LGI2: variants seen among roughly 807,000 people sequenced by gnomAD.
The protein encoded by LGI2 is leucine rich repeat LGI family member 2.
A neutral mutation model predicts 52.0 loss-of-function variants in LGI2; 30 were observed. That is an observed-to-expected ratio of 0.58 (90% CI 0.43 to 0.78). LGI2 has a LOEUF of 0.78. LGI2 is among the 30% of genes least tolerant of loss of function. LGI2 has a pLI of 0.00. For synonymous variants in LGI2, 270 were observed against 271.8 expected, an observed-to-expected ratio of 0.99 and a Z score of 0.06; for missense variants, 573 against 692.5, an observed-to-expected ratio of 0.83 and a Z score of 1.94.
At chr4:25,011,834 G>A (rs1725594445) in intron 7 of LGI2, among the ~76,000 whole-genome samples, 1 of 152,150 alleles carries the variant, frequency 6.6e-6, no homozygotes, top group Non-Finnish European at 1.5e-5. Context: ...CTAATTTAGG[G>A]ATCCATTTAT....
At chr4:25,019,269 T>G in intron 4 of LGI2, 31 bp from the exon 5 acceptor site, 1 of 1,410,500 alleles carries the variant, frequency 7.1e-7, no homozygotes, top group Non-Finnish European at 1.0e-6. Flanking sequence ...TGCAATGTGA[T>G]TATTATCTCA....
At chr4:25,027,040 A>G (rs1726174822) in intron 2 of LGI2, 101 bp from the exon 3 acceptor site, 1 of 920,558 alleles carries the variant, frequency 1.1e-6, no homozygotes, top group Non-Finnish European at 1.8e-6. Flanking sequence ...GTGGGCAAAC[A>G]TGAGCTCTTC....
At chr4:25,030,438 C>T (rs1276380242) in intron 1 of LGI2, 59 bp downstream of exon 1, 7 of 1,457,318 alleles carry the variant, frequency 4.8e-6, no homozygotes, top group Middle Eastern at 2.1e-4. Context: ...GCAACTCCCT[C>T]GCGGCGGCGG....
intron 7 of LGI2, among the ~76,000 whole-genome samples, chr4:25,009,793 G>A (rs908512551): frequency 3.3e-5 from 5 of 151,818 alleles, no homozygotes; most frequent in East Asian, 2.0e-4. Flanking sequence ...ATGCCACCAC[G>A]CCCAGCTAAT....
intron 6 of LGI2, among the ~76,000 whole-genome samples, chr4:25,014,281 G>A (rs1233439066): frequency 3.7e-4 from 56 of 152,098 alleles, no homozygotes; most frequent in Non-Finnish European, 7.4e-5. Flanking sequence ...TGTTTTTATT[G>A]AAGAATCCCA....
In LGI2 at chr4:25,017,926, T is replaced by A. The variant is rs1000293384; in HGVS notation, c.655+63A>T. 8 of 1,399,366 alleles carry A rather than the reference T, an allele frequency of 5.7e-6. No homozygotes were observed. The African/African-American group carries it at 1.2e-4, about 20-fold the overall frequency. The allele number at this position is 1,399,366 out of a possible 1,614,324, so 86.7% of individuals were successfully genotyped here. ...ACTTTTCCCCAGTCTCTGTTGACAG[T>A]GTAAAAGAAAGACAAAGAGATTATT... On this transcript the variant is annotated intron_variant, in intron 6 of 7. Transcript: ENST00000382114.
At chr4:25,028,642 G>C in intron 1 of LGI2, 64 bp from the exon 2 acceptor site, 2 of 1,391,254 alleles carry the variant, frequency 1.4e-6, no homozygotes, top group Non-Finnish European at 2.0e-6. Flanking sequence ...TGCAGGGTGG[G>C]TAATCAAACT....
intron 7 of LGI2, among the ~76,000 whole-genome samples, chr4:25,011,341 T>G (rs1245312478): frequency 6.6e-6 from 1 of 152,074 alleles, no homozygotes; most frequent in Non-Finnish European, 1.5e-5. Flanking sequence ...AGCGTTACTC[T>G]CCGGAAGGTG....
chr4:25,012,311 C>T (rs1230515613), intron 7 of LGI2, 24 bp downstream of exon 7: 10 of 1,613,404 alleles, frequency 6.2e-6, no homozygotes, highest in Non-Finnish European at 8.5e-6. Flanking sequence ...TAGTTCAACA[C>T]ATCTGATCAA....
chr4:25,003,195 A>T lies in LGI2; in HGVS notation c.*256T>A. ...ATTACATTTCTAGATGATAAGAGTA[A>T]ATGCTGTACTCTTTTCTCAGAAATT... On this transcript the variant is annotated 3_prime_UTR_variant, in exon 8 of 8. Transcript: ENST00000382114. The T allele has an allele frequency of 5.4e-6, 2 of 370,912 alleles. No individual in the cohort carries two copies. The highest frequency in any genetic ancestry group is 9.5e-6 in the Non-Finnish European group (2 of 210,264). 23.0% of individuals were successfully genotyped at this position (370,912 alleles called of 1,614,324 possible).
chr4:25,000,394 C>G lies in LGI2; in HGVS notation c.*3057G>C, dbSNP rs1274260330. The stretch of plus-strand genomic sequence containing the variant: ...CTTCTCTCTGAAATTAGAATAATAC[C>G]TGCCCTGCAATAAACTTCAGAGCTA... On this transcript the variant is annotated 3_prime_UTR_variant, in exon 8 of 8. Transcript: ENST00000382114. 1 of 152,544 alleles carries G rather than the reference C, an allele frequency of 6.6e-6. No homozygotes were observed. The highest frequency in any genetic ancestry group is 1.9e-4 in the East Asian group (1 of 5,196). The allele number at this position is 152,544 out of a possible 1,614,324, so 9.4% of individuals were successfully genotyped here.
chr4:25,026,581 C>A (rs1726158401), intron 3 of LGI2, among the ~76,000 whole-genome samples: 1 of 152,138 alleles, frequency 6.6e-6, no homozygotes, highest in Non-Finnish European at 1.5e-5. Context: ...ATATCCAACG[C>A]AACTTCCAAT....
At chr4:25,016,132 A>G (rs888759621) in intron 6 of LGI2, among the ~76,000 whole-genome samples, 5 of 151,804 alleles carry the variant, frequency 3.3e-5, no homozygotes, top group Admixed American at 1.3e-4. Context: ...CACCATTCCA[A>G]TAACAATTCT....
rs1319617225 is a variant in LGI2, at chr4:25,001,875, C to G, written c.*1576G>C. 6.6e-6 allele frequency: 1 copy of G among 152,186 alleles called. No individual in the cohort carries two copies. Among genetic ancestry groups the G allele is most frequent in the Non-Finnish European group, 1.5e-5 (1 of 68,034 alleles). The allele number at this position is 152,186 out of a possible 1,614,324, so 9.4% of individuals were successfully genotyped here. ...AAACATCTACCTACTCATGACATGG[C>G]AAATAGTCATTTTACAATAACAATA... On this transcript the variant is annotated 3_prime_UTR_variant, in exon 8 of 8. Coordinates refer to ENST00000382114, the MANE Select transcript of LGI2 (RefSeq NM_018176.4).
At chr4:25,005,706 A>T (rs531693061) in intron 7 of LGI2, among the ~76,000 whole-genome samples, 1 of 152,220 alleles carries the variant, frequency 6.6e-6, no homozygotes, top group African/African-American at 2.4e-5. Context: ...GAGGCAGGAG[A>T]AAAAGATTTC....
At chr4:25,013,871 C>T (rs1230756658) in intron 6 of LGI2, among the ~76,000 whole-genome samples, 1 of 152,134 alleles carries the variant, frequency 6.6e-6, no homozygotes. Flanking sequence ...AAAAGTGAAC[C>T]TCTGTTCACT....
the LGI2 span, among the ~76,000 whole-genome samples, chr4:24,992,197 C>T: frequency 7.2e-5 from 11 of 152,332 alleles, no homozygotes; most frequent in South Asian, 1.9e-3. Flanking sequence ...AGGCAAGACA[C>T]GTCATCTCTG....
At chr4:25,029,743 T>C (rs1239131472) in intron 1 of LGI2, among the ~76,000 whole-genome samples, 1 of 152,192 alleles carries the variant, frequency 6.6e-6, no homozygotes, top group Non-Finnish European at 1.5e-5. Context: ...CACAACTGTG[T>C]GATGGAGAAA....
At chr4:25,016,113 C>A (rs10488953) in intron 6 of LGI2, among the ~76,000 whole-genome samples, 24,041 of 151,830 alleles carry the variant, frequency 0.16, 1,947 homozygotes, top group East Asian at 0.21. Context: ...TACCTCAGTT[C>A]CAAGCTACCA....
Sources: gnomAD v4.1 joint callset for allele counts (sites outside exome capture counted in the v4.1 genomes callset) on GRCh38, gnomAD v4.1.1 for gene constraint, MANE v1.5 for transcripts, NCBI Gene and HGNC (gene_info 2026-07-23, HGNC 2026-07-21) for gene names.